Variants in PPP1R12B observed in about 807,000 individuals in gnomAD.
PPP1R12B encodes the protein myosin phosphatase target subunit 2.
In PPP1R12B, 76 loss-of-function variants were observed where a neutral mutation model predicts 126.1. The observed-to-expected ratio is 0.60, with a 90% confidence interval of 0.50 to 0.73. The LOEUF (loss-of-function observed/expected upper bound fraction) is 0.73. PPP1R12B is among the 30% of genes least tolerant of loss of function. The pLI is 0.00. For synonymous variants in PPP1R12B, 356 were observed against 434.7 expected (o/e 0.82, Z 2.25); for missense variants, 1,052 against 1,205.1 (o/e 0.87, Z 1.88).
chr1:202,483,278 CTTTTT>C (rs71281161), intron 13 of PPP1R12B, among the ~76,000 whole-genome samples: 1 of 118,494 alleles, frequency 8.4e-6, no homozygotes, highest in East Asian at 2.6e-4. Context: ...TGAAGAACAC[CTTTTT>C]TTTTTTTTTT....
chr1:202,440,816 T>C, intron 11 of PPP1R12B, 28 bp downstream of exon 11: 1 of 1,568,504 alleles, frequency 6.4e-7, no homozygotes. Context: ...CAAAAGATGG[T>C]CCTCATCCTC....
intron 23 of PPP1R12B, chr1:202,576,840 G>A (rs1412830806): frequency 6.8e-6 from 1 of 148,138 alleles, no homozygotes; most frequent in South Asian, 2.2e-4. Flanking sequence ...AAAAAAAACT[G>A]AGTCACAGAT....
At chr1:202,380,677 A>G (rs1662105055) in intron 1 of PPP1R12B, among the ~76,000 whole-genome samples, 1 of 152,128 alleles carries the variant, frequency 6.6e-6, no homozygotes. Context: ...TGCTTTGGTT[A>G]CAGATTCCAG....
chr1:202,561,217 TAAG>T (rs1158420054), intron 19 of PPP1R12B, among the ~76,000 whole-genome samples: 3 of 152,086 alleles, frequency 2.0e-5, no homozygotes, highest in Non-Finnish European at 4.4e-5. Flanking sequence ...ATTTCTGTCA[TAAG>T]AAATATTTCA....
intron 18 of PPP1R12B, among the ~76,000 whole-genome samples, chr1:202,548,802 CTCTCTCTATATA>C (rs1236405603): frequency 0.046 from 4,358 of 95,090 alleles, 75 homozygotes; most frequent in Non-Finnish European, 0.07. Context: ...CTCTCTCTCT[CTCTCTCTATATA>C]TATATATATA....
At chr1:202,572,656 A>T (rs1688719233) in intron 23 of PPP1R12B, among the ~76,000 whole-genome samples, 1 of 152,110 alleles carries the variant, frequency 6.6e-6, no homozygotes, top group African/African-American at 2.4e-5. Context: ...AGATGTGATT[A>T]CTTCTCTACT....
chr1:202,501,748 C>G, intron 18 of PPP1R12B: 2 of 581,616 alleles, frequency 3.4e-6, no homozygotes, highest in Non-Finnish European at 4.3e-6. Flanking sequence ...AGGTGAGCAA[C>G]CTGTACCTTT....
At chr1:202,493,928 G>A (rs539211156) in intron 15 of PPP1R12B, among the ~76,000 whole-genome samples, 4 of 152,158 alleles carry the variant, frequency 2.6e-5, no homozygotes, top group South Asian at 2.1e-4. Context: ...TGGGAGGGAC[G>A]TTTTGATTTA....
chr1:202,501,630 TAGGATTGGAAG>T (rs1680237175), intron 18 of PPP1R12B, among the ~76,000 whole-genome samples: 1 of 152,180 alleles, frequency 6.6e-6, no homozygotes, highest in Non-Finnish European at 1.5e-5. Context: ...TTTGGTATCA[TAGGATTGGAAG>T]AGAATCTAGA....
intron 1 of PPP1R12B, among the ~76,000 whole-genome samples, chr1:202,354,425 C>T (rs960339727): frequency 3.3e-5 from 5 of 152,094 alleles, no homozygotes; most frequent in Non-Finnish European, 5.9e-5. Context: ...TAAAATTAGC[C>T]AGGCATGTTG....
chr1:202,456,498 A>G (rs552556236), intron 13 of PPP1R12B, among the ~76,000 whole-genome samples: 3 of 152,316 alleles, frequency 2.0e-5, no homozygotes, highest in South Asian at 2.1e-4. Context: ...TGTCAGACCT[A>G]TATGTAGACC....
chr1:202,502,319 G>A, intron 18 of PPP1R12B: 1 of 985,288 alleles, frequency 1.0e-6, no homozygotes, highest in Non-Finnish European at 1.2e-6. Context: ...TTCTAAAAGA[G>A]TTAAGCTATT....
intron 14 of PPP1R12B, among the ~76,000 whole-genome samples, chr1:202,491,926 C>T (rs1678933299): frequency 6.6e-6 from 1 of 152,164 alleles, no homozygotes; most frequent in Non-Finnish European, 1.5e-5. Context: ...TAGCCTCTGC[C>T]TGCTTTCCTA....
At chr1:202,469,999 G>A (rs1408820391) in intron 13 of PPP1R12B, among the ~76,000 whole-genome samples, 1 of 152,168 alleles carries the variant, frequency 6.6e-6, no homozygotes, top group African/African-American at 2.4e-5. Context: ...AAGAACCGCA[G>A]GTTTAAGAGC....
At chr1:202,437,579 G>T (rs889744873) in intron 9 of PPP1R12B, among the ~76,000 whole-genome samples, 6 of 152,190 alleles carry the variant, frequency 3.9e-5, no homozygotes, top group Non-Finnish European at 8.8e-5. Flanking sequence ...AACCCTGTCA[G>T]GTAGGAGCAC....
intron 12 of PPP1R12B, among the ~76,000 whole-genome samples, chr1:202,446,212 T>TTCTC (rs1558237779): frequency 1.3e-4 from 8 of 61,540 alleles, no homozygotes; most frequent in Admixed American, 2.1e-4. Flanking sequence ...TATATTATAT[T>TTCTC]ACTCTCTCTC....
At chr1:202,434,211 G>A (rs1033616439) in intron 8 of PPP1R12B, among the ~76,000 whole-genome samples, 1 of 152,184 alleles carries the variant, frequency 6.6e-6, no homozygotes, top group Non-Finnish European at 1.5e-5. Flanking sequence ...TGACACTGTA[G>A]GAGGTTAGGT....
At chr1:202,544,980 G>A (rs1436091676) in intron 18 of PPP1R12B, among the ~76,000 whole-genome samples, 2 of 152,166 alleles carry the variant, frequency 1.3e-5, no homozygotes, top group Admixed American at 6.5e-5. Flanking sequence ...TTTTTTGCAT[G>A]TGCTTTGTGC....
intron 18 of PPP1R12B, among the ~76,000 whole-genome samples, chr1:202,506,132 C>T (rs1680777702): frequency 6.6e-6 from 1 of 152,190 alleles, no homozygotes; most frequent in African/African-American, 2.4e-5. Context: ...CCAACCAACT[C>T]TGTATGTGGG....
Sources: allele counts gnomAD v4.1 joint callset (sites outside exome capture counted in the v4.1 genomes callset), GRCh38; gene constraint gnomAD v4.1.1; transcripts MANE v1.5; gene names NCBI Gene and HGNC (gene_info 2026-07-23, HGNC 2026-07-21).